The following TMEM72 variants were observed in gnomAD, a reference collection of about 807,000 sequenced individuals.
The protein encoded by TMEM72 is transmembrane protein 72.
Under a neutral mutation model 16.3 loss-of-function variants are expected in TMEM72, and 9 were observed. The observed-to-expected ratio is 0.55, with a 90% CI of 0.33 to 0.96. The LOEUF is 0.96. TMEM72 is among the 40% of genes least tolerant of loss of function. The pLI, the probability that TMEM72 is intolerant of heterozygous loss-of-function variation, is 0.03. For missense variants in TMEM72, 324 were observed against 337.8 expected, an observed-to-expected ratio of 0.96 and a Z score of 0.32; for synonymous variants, 160 against 146.5, an observed-to-expected ratio of 1.09 and a Z score of -0.66.
intron 1 of TMEM72, chr10:44,923,356 T>G (rs1273397665): frequency 6.6e-6 from 1 of 152,196 alleles, no homozygotes; most frequent in African/African-American, 2.4e-5. Context: ...CCTTTCTCTC[T>G]TTCTCTCTCT....
chr10:44,936,066 G>A lies in TMEM72; in HGVS notation c.*932G>A, dbSNP rs1021245465. On this transcript the variant is annotated 3_prime_UTR_variant, in exon 5 of 5. Coordinates refer to ENST00000389583, the MANE Select transcript of TMEM72 (RefSeq NM_001123376.3). ...GAAGAGGAGGGAAAATGGGAGGATA[G>A]GAGGAAGTGGGCAGGCAGGCAAGTT... 1.3e-5 allele frequency: 2 copies of A among 152,288 alleles called. No homozygotes were observed. Among genetic ancestry groups the A allele is most frequent in the Non-Finnish European group, 2.9e-5 (2 of 68,066 alleles). 9.4% of individuals were successfully genotyped at this position (152,288 alleles called of 1,614,324 possible).
intron 1 of TMEM72, among the ~76,000 whole-genome samples, chr10:44,921,101 G>A (rs1335624770): frequency 6.6e-6 from 1 of 152,240 alleles, no homozygotes; most frequent in African/African-American, 2.4e-5. Context: ...GAAAGTTCTT[G>A]TACCAAGGTT....
chr10:44,932,198 C>T (rs1194090122), intron 3 of TMEM72, 129 bp downstream of exon 3: 42 of 1,128,246 alleles, frequency 3.7e-5, no homozygotes, highest in Middle Eastern at 5.8e-4. Flanking sequence ...AGCCCCCCAC[C>T]GAGGTACAAT....
intron 1 of TMEM72, among the ~76,000 whole-genome samples, chr10:44,920,759 C>T (rs544099410): frequency 1.4e-4 from 22 of 152,220 alleles, no homozygotes; most frequent in Non-Finnish European, 2.1e-4. Flanking sequence ...TTAGACTGAG[C>T]AGTGGTCGGC....
intron 1 of TMEM72, among the ~76,000 whole-genome samples, chr10:44,920,911 C>T (rs1390056759): frequency 6.6e-6 from 1 of 152,202 alleles, no homozygotes; most frequent in Non-Finnish European, 1.5e-5. Flanking sequence ...CCCCTCCTAG[C>T]TTTCGTCAAC....
chr10:44,933,625 C>G lies in TMEM72; in HGVS notation c.210-12C>G. On this transcript the variant is annotated splice_polypyrimidine_tract_variant and intron_variant, in intron 3 of 4. Coordinates refer to ENST00000389583, the MANE Select transcript of TMEM72 (RefSeq NM_001123376.3). ...GGGACACATTATGCTAACCTGGACT[C>G]CCTCTCCCCAGGTGTCAACCAGGGT... The G allele has an allele frequency of 6.2e-7, 1 of 1,610,678 alleles. No homozygotes were observed. The highest frequency in any genetic ancestry group is 1.1e-5 in the South Asian group (1 of 90,900).
At chr10:44,915,702 G>A (rs1350876657) in intron 1 of TMEM72, among the ~76,000 whole-genome samples, 3 of 152,100 alleles carry the variant, frequency 2.0e-5, no homozygotes, top group African/African-American at 7.3e-5. Context: ...GGGTCATGGT[G>A]AGGACACACG....
Position 44,927,995 on chromosome 10 carries a change from T to C in TMEM72, c.137+8T>C, listed in dbSNP as rs747052297. The C allele has an allele frequency of 3.1e-6, 5 of 1,613,204 alleles. No homozygotes were observed. Among genetic ancestry groups the C allele is most frequent in the Middle Eastern group, 1.6e-4 (1 of 6,084 alleles). ...CCTGGCTTTCTATCTGCTGTGAGTA[T>C]GTGTGCATGTGCCACTTTTGACCTG... is the stretch of plus-strand genomic sequence containing the variant. On this transcript the variant is annotated splice_region_variant and intron_variant, in intron 2 of 4. Coordinates refer to ENST00000389583, the MANE Select transcript of TMEM72 (RefSeq NM_001123376.3).
intron 1 of TMEM72, among the ~76,000 whole-genome samples, chr10:44,925,199 T>C (rs4948931): frequency 2.6e-5 from 4 of 152,114 alleles, no homozygotes; most frequent in Non-Finnish European, 2.9e-5. Flanking sequence ...CCATTTTTTT[T>C]ATGCAAACCA....
At chr10:44,933,456 G>A (rs1434196108) in intron 3 of TMEM72, among the ~76,000 whole-genome samples, 181 bp from the exon 4 acceptor site, 1 of 152,228 alleles carries the variant, frequency 6.6e-6, no homozygotes, top group African/African-American at 2.4e-5. Flanking sequence ...GGACCCTCTA[G>A]AGGGACTCAG....
intron 2 of TMEM72, among the ~76,000 whole-genome samples, chr10:44,929,511 T>C (rs1373597177): frequency 6.6e-6 from 1 of 152,240 alleles, no homozygotes; most frequent in Non-Finnish European, 1.5e-5. Flanking sequence ...AGCTGACCTG[T>C]GCTTTTAGCA....
At chr10:44,932,617 G>A (rs984092879) in intron 3 of TMEM72, among the ~76,000 whole-genome samples, 3 of 152,298 alleles carry the variant, frequency 2.0e-5, no homozygotes, top group Non-Finnish European at 2.9e-5. Flanking sequence ...CGAGGACTGC[G>A]GCTCTCAGAA....
rs80083279 is a variant in TMEM72, at chr10:44,933,670, G to A, written c.243G>A (p.Arg81=). 3.7e-4 allele frequency: 599 copies of A among 1,614,092 alleles called. 2 individuals are homozygous for A. In the African/African-American group the frequency reaches 7.1e-3, roughly 19 times the overall value. ...CAGGGTCCCTGGCAGACAGAGTAAG[G>A]GAGAAAGCCCACTGGCTGGGCTGCT... ...CQPGSLADRV[R]EKAHWLGCFQ... The change falls in exon 4 of 5, where the codon AGG becomes AGA. Residue 81 remains arginine, a synonymous_variant. Transcript: ENST00000389583.
At chr10:44,916,633 G>A (rs1840017661) in intron 1 of TMEM72, among the ~76,000 whole-genome samples, 2 of 152,082 alleles carry the variant, frequency 1.3e-5, no homozygotes, top group South Asian at 4.2e-4. Context: ...CCAACGCCTC[G>A]CAAGAGATTT....
chr10:44,929,504 T>A (rs546249988), intron 2 of TMEM72, among the ~76,000 whole-genome samples: 1 of 152,344 alleles, frequency 6.6e-6, no homozygotes, highest in East Asian at 1.9e-4. Context: ...AGGTGGCAGC[T>A]GACCTGTGCT....
At chr10:44,914,869 T>C (rs1839991258) in intron 1 of TMEM72, among the ~76,000 whole-genome samples, 1 of 152,206 alleles carries the variant, frequency 6.6e-6, no homozygotes, top group Admixed American at 6.5e-5. Context: ...CCCTTTGAAC[T>C]TCAGCCATCC....
intron 1 of TMEM72, among the ~76,000 whole-genome samples, chr10:44,912,359 C>G (rs1228179143): frequency 1.3e-5 from 2 of 152,222 alleles, no homozygotes; most frequent in Admixed American, 6.5e-5. Context: ...ATTCCCCCTA[C>G]AGAGCCAGGA....
chr10:44,914,936 C>T (rs1376023567), intron 1 of TMEM72, among the ~76,000 whole-genome samples: 2 of 152,220 alleles, frequency 1.3e-5, no homozygotes, highest in African/African-American at 4.8e-5. Flanking sequence ...TCCCCAGCCC[C>T]TGCTGAGGTG....
At chr10:44,925,756 T>C (rs1330217960) in intron 1 of TMEM72, among the ~76,000 whole-genome samples, 1 of 152,208 alleles carries the variant, frequency 6.6e-6, no homozygotes, top group African/African-American at 2.4e-5. Flanking sequence ...GTTTCCTCTA[T>C]GTAAAGTGGG....
Sources: allele counts gnomAD v4.1 joint callset (sites outside exome capture counted in the v4.1 genomes callset), GRCh38; gene constraint gnomAD v4.1.1; transcripts MANE v1.5; gene names NCBI Gene and HGNC (gene_info 2026-07-23, HGNC 2026-07-21).